Variants in ADAMTS2 observed in about 807,000 individuals in gnomAD.
ADAMTS2 encodes the protein A disintegrin and metalloproteinase with thrombospondin motifs 2.
Under a neutral mutation model 123.0 loss-of-function variants are expected in ADAMTS2, and 50 were observed. The ratio of observed to expected loss-of-function variants is 0.41; its 90% CI spans 0.32 to 0.51. The LOEUF is 0.51. Among genes scored for constraint, ADAMTS2 ranks in the 20% least tolerant of loss-of-function variants. The pLI, the probability that ADAMTS2 is intolerant of heterozygous loss-of-function variation, is 0.35. For missense variants in ADAMTS2, 1,494 were observed against 1,705.2 expected (o/e 0.88, Z 2.18); for synonymous variants, 678 against 695.4 (o/e 0.98, Z 0.39).
At chr5:179,241,858 G>A (rs77081337) in intron 3 of ADAMTS2, among the ~76,000 whole-genome samples, 4,921 of 152,276 alleles carry the variant, frequency 0.032, 156 homozygotes, top group Non-Finnish European at 0.042. Context: ...AGGGGCAAGT[G>A]GGGGACCATC....
In ADAMTS2 at chr5:179,130,160, G is replaced by T; in HGVS notation, c.2291-62C>A. ...CCCAAGAGCAGGACCCAGGCCCACT[G>T]GTTTGGGCTGGTCGGGGAGTGGGGG... is the stretch of plus-strand genomic sequence containing the variant. On this transcript the variant is annotated intron_variant, in intron 15 of 21. Coordinates refer to ENST00000251582, the MANE Select transcript of ADAMTS2 (RefSeq NM_014244.5). The surrounding 1 kb of genome is among the most constrained non-coding windows in gnomAD (Gnocchi z 4.3). 1 of 1,605,564 alleles carries T rather than the reference G, an allele frequency of 6.2e-7. No homozygotes were observed. The highest frequency in any genetic ancestry group is 1.1e-5 in the South Asian group (1 of 90,302).
At chr5:179,319,272 A>G (rs1757090559) in intron 2 of ADAMTS2, among the ~76,000 whole-genome samples, 1 of 152,114 alleles carries the variant, frequency 6.6e-6, no homozygotes, top group African/African-American at 2.4e-5. Flanking sequence ...TGTGCACTAC[A>G]CACAAGTACA....
At chr5:179,301,049 A>G (rs1336075096) in intron 2 of ADAMTS2, among the ~76,000 whole-genome samples, 71 of 151,082 alleles carry the variant, frequency 4.7e-4, no homozygotes, top group Admixed American at 4.7e-3. Context: ...TGAAGCCTGG[A>G]CTCCTCACTC....
chr5:179,249,423 A>T (rs1765869613), intron 3 of ADAMTS2, among the ~76,000 whole-genome samples: 4 of 152,062 alleles, frequency 2.6e-5, no homozygotes, highest in Admixed American at 6.6e-5. Context: ...GACAAAATAG[A>T]GAATTGAAAA....
chr5:179,282,983 G>A (rs1313126456), intron 2 of ADAMTS2, among the ~76,000 whole-genome samples: 3 of 152,142 alleles, frequency 2.0e-5, no homozygotes, highest in Non-Finnish European at 2.9e-5. Flanking sequence ...GGGAGAGGGT[G>A]CACAGAGGGA....
rs1055297024 is a variant in ADAMTS2, at chr5:179,165,626, G to A, written c.976-6747C>T. ...CAGCCAGTCCCTCCCAGGGGCAGCC[G>A]CGGGCACCCAGCCTCCAGAGCAGGG... is the stretch of plus-strand genomic sequence containing the variant. On this transcript the variant is annotated intron_variant, in intron 5 of 21. Coordinates refer to ENST00000251582, the MANE Select transcript of ADAMTS2 (RefSeq NM_014244.5). Among the ~76,000 whole-genome samples the A allele has an allele frequency of 4.6e-5, 7 of 152,300 alleles. No homozygotes were observed. In the South Asian group the frequency reaches 6.2e-4, roughly 14 times the overall value.
chr5:179,220,482 G>T (rs926551622), intron 3 of ADAMTS2, among the ~76,000 whole-genome samples: 1 of 152,110 alleles, frequency 6.6e-6, no homozygotes, highest in Non-Finnish European at 1.5e-5. Context: ...GAAGGTCCAG[G>T]GCCTGCTGCC....
intron 2 of ADAMTS2, among the ~76,000 whole-genome samples, chr5:179,283,433 T>C (rs1755885147): frequency 1.3e-5 from 2 of 148,618 alleles, no homozygotes; most frequent in African/African-American, 2.5e-5. Context: ...AATCAGTAGA[T>C]ACAAGCTGAA....
chr5:179,208,098 C>T (rs1376023952), intron 3 of ADAMTS2, among the ~76,000 whole-genome samples: 4 of 43,056 alleles, frequency 9.3e-5, no homozygotes, highest in East Asian at 3.4e-3. Flanking sequence ...ATGGAGAGGT[C>T]GGGAACCTCA....
At chr5:179,213,522 G>C (rs999761477) in intron 3 of ADAMTS2, among the ~76,000 whole-genome samples, 5 of 152,178 alleles carry the variant, frequency 3.3e-5, no homozygotes, top group Non-Finnish European at 7.3e-5. Context: ...GGGCCCAGCA[G>C]AGGCGAGCTG....
intron 3 of ADAMTS2, among the ~76,000 whole-genome samples, chr5:179,227,326 C>T (rs1328584557): frequency 1.3e-5 from 2 of 152,214 alleles, no homozygotes; most frequent in African/African-American, 4.8e-5. Flanking sequence ...GAGGCCAGGA[C>T]TCTCCCAGCA....
intron 5 of ADAMTS2, among the ~76,000 whole-genome samples, chr5:179,179,776 G>C (rs2113309087): frequency 6.6e-6 from 1 of 152,206 alleles, no homozygotes; most frequent in Non-Finnish European, 1.5e-5. Flanking sequence ...TAGTATTCCT[G>C]GGATCCCTTC....
intron 2 of ADAMTS2, among the ~76,000 whole-genome samples, chr5:179,321,627 TGCCC>T (rs1363807818): frequency 1.3e-5 from 2 of 148,222 alleles, no homozygotes; most frequent in Admixed American, 1.4e-4. Context: ...CTTCCTTTGG[TGCCC>T]GCCCACCCAC....
At chr5:179,315,246 T>C (rs1756956803) in intron 2 of ADAMTS2, among the ~76,000 whole-genome samples, 1 of 152,158 alleles carries the variant, frequency 6.6e-6, no homozygotes, top group East Asian at 1.9e-4. Flanking sequence ...CCCTGGCTTC[T>C]GGAAAGCACT....
intron 3 of ADAMTS2, among the ~76,000 whole-genome samples, chr5:179,261,888 C>G (rs1244314761): frequency 6.6e-6 from 1 of 152,156 alleles, no homozygotes; most frequent in Non-Finnish European, 1.5e-5. Flanking sequence ...TCCATGGGAC[C>G]CCAAACCTCA....
chr5:179,331,212 G>C (rs937537599), intron 2 of ADAMTS2, among the ~76,000 whole-genome samples: 2 of 149,082 alleles, frequency 1.3e-5, no homozygotes, highest in Non-Finnish European at 3.0e-5. Flanking sequence ...GCTGATGAAA[G>C]ACTCTGGGAA....
intron 5 of ADAMTS2, among the ~76,000 whole-genome samples, chr5:179,178,821 G>A (rs539874339): frequency 2.0e-5 from 3 of 152,102 alleles, no homozygotes; most frequent in Admixed American, 1.3e-4. Flanking sequence ...AATGTGTGTC[G>A]AACATATCAC....
rs749053447 is a variant in ADAMTS2 at position 179,113,874 on chromosome 5, T to C, written c.3629A>G (p.Lys1210Arg). Residue 1210 changes from lysine (K) to arginine (R), a missense_variant, in exon 22 of 22, where the codon AAG becomes AGG. Lys to Arg is a conservative substitution (Grantham distance 26). Transcript: ENST00000251582. Reference protein sequence around the residue: ...DEMRKKEMLGKF With the variant: ...DEMRKKEMLGRF ...TGCTATCTTTCCATTTTATTAGAACTTTCCGAGCATCTCTTTCTTCCGCAT... is the reference window on the plus strand; with the variant it reads ...TGCTATCTTTCCATTTTATTAGAACCTTCCGAGCATCTCTTTCTTCCGCAT... The C allele has an allele frequency of 6.2e-7, 1 of 1,614,136 alleles. No individual in the cohort carries two copies. Among genetic ancestry groups the C allele is most frequent in the African/African-American group, 1.3e-5 (1 of 75,060 alleles).
At chr5:179,220,056 A>G (rs1382044977) in intron 3 of ADAMTS2, among the ~76,000 whole-genome samples, 2 of 152,204 alleles carry the variant, frequency 1.3e-5, no homozygotes, top group Admixed American at 6.5e-5. Flanking sequence ...CAGGGCTCCA[A>G]GCCTTCCCTC....
Sources: gnomAD v4.1 joint callset for allele counts (sites outside exome capture counted in the v4.1 genomes callset) on GRCh38, gnomAD v4.1.1 for gene constraint, Gnocchi (gnomAD v3.1) non-coding constraint, MANE v1.5 for transcripts, NCBI Gene and HGNC (gene_info 2026-07-23, HGNC 2026-07-21) for gene names.